NXPE3: variants seen among roughly 807,000 people sequenced by gnomAD.
NXPE3 encodes the protein neurexophilin and PC-esterase domain family member 3.
In NXPE3, 26 loss-of-function variants were observed where a neutral mutation model predicts 46.1. That is an observed-to-expected ratio of 0.56 (90% confidence interval 0.41 to 0.78). NXPE3 has a LOEUF of 0.78. NXPE3 is among the 30% of genes least tolerant of loss of function. The probability of loss-of-function intolerance (pLI) is 0.00; values close to 1 mark genes in which losing one functional copy is unlikely to be tolerated. For missense variants in NXPE3, 620 were observed against 686.0 expected (o/e 0.90, Z 1.07); for synonymous variants, 272 against 257.9 (o/e 1.05, Z -0.52).
At position 101,801,747 on chromosome 3, in the gene NXPE3, A is replaced by G. The variant is rs1454100537; in HGVS notation, c.606A>G (p.Glu202=). 6.2e-7 allele frequency: 1 copy of G among 1,614,200 alleles called. No individual in the cohort carries two copies. Among genetic ancestry groups the G allele is most frequent in the Admixed American group, 1.7e-5 (1 of 60,018 alleles). Residue 202 remains glutamate (E), a synonymous_variant, in exon 5 of 8, where the codon GAA becomes GAG. Coordinates refer to ENST00000273347, the MANE Select transcript of NXPE3 (RefSeq NM_145037.4). ...EGIRVLQRLQ[E]DKPDRVYFKS... is the part of the protein sequence containing the mutation. ...TCAGAGTTCTTCAGCGCTTACAGGA[A>G]GATAAACCAGACAGGGTCTATTTCA...
intron 6 of NXPE3, among the ~76,000 whole-genome samples, chr3:101,815,298 G>A (rs1373464062): frequency 2.6e-5 from 4 of 152,170 alleles, no homozygotes; most frequent in Admixed American, 2.6e-4. Context: ...TAGATTGTCT[G>A]CCATTAGTTT....
intron 4 of NXPE3, among the ~76,000 whole-genome samples, chr3:101,788,330 G>T (rs1300581329): frequency 1.3e-5 from 2 of 152,048 alleles, no homozygotes; most frequent in Non-Finnish European, 2.9e-5. Context: ...TCCATAGGTT[G>T]CTTTTTCACT....
chr3:101,803,783 C>A (rs553922678), intron 5 of NXPE3, among the ~76,000 whole-genome samples: 1 of 152,286 alleles, frequency 6.6e-6, no homozygotes, highest in South Asian at 2.1e-4. Context: ...CCACACCCAG[C>A]TAATTTTTGT....
intron 5 of NXPE3, among the ~76,000 whole-genome samples, chr3:101,803,792 G>A (rs1382004478): frequency 6.6e-6 from 1 of 152,078 alleles, no homozygotes; most frequent in Admixed American, 6.6e-5. Context: ...GCTAATTTTT[G>A]TATGTTTTGT....
At chr3:101,790,693 A>G (rs1940460337) in intron 4 of NXPE3, among the ~76,000 whole-genome samples, 1 of 152,120 alleles carries the variant, frequency 6.6e-6, no homozygotes, top group Non-Finnish European at 1.5e-5. Flanking sequence ...CGCGGGCTCA[A>G]GTGATCCTCT....
At position 101,816,984 on chromosome 3, in the gene NXPE3, T is replaced by G; in HGVS notation, c.1112T>G (p.Leu371Arg). The stretch of plus-strand genomic sequence containing the variant: ...ACAATCAGGCAATGGTTTGAATACC[T>G]TACTACATTTGTTCCAGGTTGGTAC... Reference protein sequence around the residue: ...DSTIRQWFEYLTTFVPDLVEF... With the variant: ...DSTIRQWFEYRTTFVPDLVEF... The change falls in exon 7 of 8, where the codon CTT becomes CGT. Residue 371 changes from leucine (L) to arginine (R), a missense_variant. Coordinates refer to ENST00000273347, the MANE Select transcript of NXPE3 (RefSeq NM_145037.4). 6.2e-7 allele frequency: 1 copy of G among 1,614,096 alleles called. No individual in the cohort carries two copies. The highest frequency in any genetic ancestry group is 8.5e-7 in the Non-Finnish European group (1 of 1,179,938).
intron 6 of NXPE3, among the ~76,000 whole-genome samples, chr3:101,807,376 G>A (rs1251224948): frequency 1.3e-5 from 2 of 152,060 alleles, no homozygotes; most frequent in Non-Finnish European, 2.9e-5. Context: ...CTGGAGTGCA[G>A]TGGCGCAATC....
rs781572583 is a variant in NXPE3, at chr3:101,821,646, C to T, written c.1372C>T (p.Arg458Trp). 12 of 1,614,180 alleles carry T rather than the reference C, an allele frequency of 7.4e-6. No homozygotes were observed. Among genetic ancestry groups the T allele is most frequent in the East Asian group, 4.5e-5 (2 of 44,886 alleles). ...FSTFPLEVYIRRLRNIRRAVV... is the reference protein window; with the variant it reads ...FSTFPLEVYIWRLRNIRRAVV... ...CACCTTCCCTTTGGAAGTGTACATC[C>T]GGCGGCTCAGGAACATCCGTCGAGC... Residue 458 changes from arginine (R) to tryptophan (W), a missense_variant, in exon 8 of 8, where the codon CGG becomes TGG. Physicochemically the swap from Arg to Trp is moderately radical, Grantham distance 101 (BLOSUM62 -3). This residue lies in a region of NXPE3 where 75 missense variants were observed against 121.1 expected (regional missense o/e 0.62). Coordinates refer to ENST00000273347, the MANE Select transcript of NXPE3 (RefSeq NM_145037.4).
rs1399149726 is a variant in NXPE3 at position 101,801,842 on chromosome 3, C to T, written c.701C>T (p.Pro234Leu). ...ECNVCLPGNL[P>L]LCNFTDLYTG... ...AACGTGTGTCTTCCTGGGAATCTGC[C>T]CCTGTGTAACTTTACAGACCTCTAC... The change falls in exon 5 of 8, where the codon CCC becomes CTC. Residue 234 changes from proline to leucine, a missense_variant. Coordinates refer to ENST00000273347, the MANE Select transcript of NXPE3 (RefSeq NM_145037.4). 1.2e-5 allele frequency: 20 copies of T among 1,614,004 alleles called. No homozygotes were observed. The highest frequency in any genetic ancestry group is 1.6e-5 in the Non-Finnish European group (19 of 1,179,988).
At chr3:101,819,212 T>C (rs1428392379) in intron 7 of NXPE3, among the ~76,000 whole-genome samples, 3 of 152,192 alleles carry the variant, frequency 2.0e-5, no homozygotes, top group African/African-American at 7.2e-5. Flanking sequence ...GAAATATTAG[T>C]TAAATTGGAT....
chr3:101,820,690 G>A (rs1576788544), intron 7 of NXPE3, among the ~76,000 whole-genome samples: 1 of 152,204 alleles, frequency 6.6e-6, no homozygotes, highest in Admixed American at 6.5e-5. Context: ...GGAATACTAT[G>A]CAGCCATAAA....
chr3:101,789,502 T>C (rs1335507248), intron 4 of NXPE3, among the ~76,000 whole-genome samples: 2 of 152,200 alleles, frequency 1.3e-5, no homozygotes, highest in Non-Finnish European at 2.9e-5. Context: ...GCTATGATCA[T>C]GTCACTGCAC....
intron 4 of NXPE3, among the ~76,000 whole-genome samples, chr3:101,788,973 A>G (rs1315269073): frequency 6.6e-6 from 1 of 152,162 alleles, no homozygotes; most frequent in Non-Finnish European, 1.5e-5. Context: ...AACCCCTTTT[A>G]TCTTTTTAAT....
rs769127796 is a variant in NXPE3 at position 101,801,405 on chromosome 3, G to C, written c.264G>C (p.Gln88His). Residue 88 changes from glutamine (Q) to histidine (H), a missense_variant, in exon 5 of 8, where the codon CAG (glutamine) becomes CAC (histidine). Gln to His is a conservative substitution (Grantham distance 24). Around this residue, in one of 3 missense-constraint regions of NXPE3, gnomAD observed 511 missense variants for 528.6 expected, o/e 0.97. Coordinates refer to ENST00000273347, the MANE Select transcript of NXPE3 (RefSeq NM_145037.4). ...EDSLLAALHR[Q>H]VPDVGPVPFV... ...CCTTGCTGGCTGCCTTGCACCGGCA[G>C]GTTCCTGATGTGGGCCCAGTCCCCT... 2.5e-6 allele frequency: 4 copies of C among 1,614,084 alleles called. No homozygotes were observed. Among genetic ancestry groups the C allele is most frequent in the South Asian group, 1.1e-5 (1 of 91,094 alleles).
At chr3:101,782,549 T>C (rs569591355) in intron 2 of NXPE3, 111 bp from the exon 3 acceptor site, 32 of 152,332 alleles carry the variant, frequency 2.1e-4, no homozygotes, top group Non-Finnish European at 4.1e-4. Flanking sequence ...TTAAGTTGAA[T>C]TGATTTCACA....
intron 6 of NXPE3, among the ~76,000 whole-genome samples, chr3:101,810,804 T>G (rs1941669962): frequency 6.6e-6 from 1 of 152,064 alleles, no homozygotes; most frequent in South Asian, 2.1e-4. Context: ...GGCAGCAACT[T>G]GAATGAACTT....
Position 101,822,117 on chromosome 3 carries a change from G to T in NXPE3, c.*163G>T, listed in dbSNP as rs1942286237. The stretch of plus-strand genomic sequence containing the variant: ...CTTATAAGGAGCTTAGAAAATGCAG[G>T]TTACATTTATATCTACCTATAGGAT... On this transcript the variant is annotated 3_prime_UTR_variant, in exon 8 of 8. Coordinates refer to ENST00000273347, the MANE Select transcript of NXPE3 (RefSeq NM_145037.4). The T allele has an allele frequency of 3.2e-6, 2 of 628,204 alleles. No homozygotes were observed. The highest frequency in any genetic ancestry group is 5.5e-6 in the Non-Finnish European group (2 of 366,802). The allele number at this position is 628,204 out of a possible 1,614,324, so 38.9% of individuals were successfully genotyped here.
In NXPE3 at chr3:101,822,140, G is replaced by T; in HGVS notation, c.*186G>T. 1.7e-6 allele frequency: 1 copy of T among 579,716 alleles called. No homozygotes were observed. The highest frequency in any genetic ancestry group is 3.0e-6 in the Non-Finnish European group (1 of 329,254). The allele number at this position is 579,716 out of a possible 1,614,324, so 35.9% of individuals were successfully genotyped here. Reference sequence around the variant, plus strand: ...AGGTTACATTTATATCTACCTATAGGATTTTATCCAATGTTGACTTAGCCA... The same window carrying T: ...AGGTTACATTTATATCTACCTATAGTATTTTATCCAATGTTGACTTAGCCA... On this transcript the variant is annotated 3_prime_UTR_variant, in exon 8 of 8. Transcript: ENST00000273347.
In NXPE3 at chr3:101,821,601, G is replaced by A; in HGVS notation, c.1327G>A (p.Ala443Thr). 6.2e-7 allele frequency: 1 copy of A among 1,614,230 alleles called. No homozygotes were observed. Among genetic ancestry groups the A allele is most frequent in the Non-Finnish European group, 8.5e-7 (1 of 1,180,034 alleles). Residue 443 changes from alanine to threonine, a missense_variant, in exon 8 of 8, where the codon GCT becomes ACT. Physicochemically the swap from Ala to Thr is moderately conservative, Grantham distance 58. Coordinates refer to ENST00000273347, the MANE Select transcript of NXPE3 (RefSeq NM_145037.4). ...AGGGAAGAACACAGTGGTTGCCATA[G>A]CTGTATGGTCTCACTTCAGCACCTT... is the stretch of plus-strand genomic sequence containing the variant. ...VGGKNTVVAI[A>T]VWSHFSTFPL...
Sources: gnomAD v4.1 joint callset for allele counts (sites outside exome capture counted in the v4.1 genomes callset) on GRCh38, gnomAD v4.1.1 for gene constraint, gnomAD v4.1.1 regional missense constraint, MANE v1.5 for transcripts, NCBI Gene and HGNC (gene_info 2026-07-23, HGNC 2026-07-21) for gene names.